Variants in ZNF536 observed in about 807,000 individuals in gnomAD.
ZNF536 encodes the protein zinc finger protein 536.
ZNF536 carries 13 observed loss-of-function variants against 84.5 expected under a neutral mutation model. The ratio of observed to expected loss-of-function variants is 0.15; its 90% CI spans 0.10 to 0.24. ZNF536 has a LOEUF of 0.24. ZNF536 is among the 10% of genes least tolerant of loss of function. The pLI, the probability that ZNF536 is intolerant of heterozygous loss-of-function variation, is 1.00. For missense variants in ZNF536, 1,536 were observed against 1,747.5 expected (o/e 0.88, Z 2.16); for synonymous variants, 811 against 742.5 (o/e 1.09, Z -1.50).
chr19:30,604,112 A>G (rs967191947), intron 1 of ZNF536, among the ~76,000 whole-genome samples: 8 of 152,208 alleles, frequency 5.3e-5, no homozygotes, highest in Non-Finnish European at 1.5e-5. Context: ...AAGTGTGCAC[A>G]GGGTAAACCA....
At chr19:30,568,202 C>T (rs1261166570) in intron 1 of ZNF536, among the ~76,000 whole-genome samples, 2 of 152,152 alleles carry the variant, frequency 1.3e-5, no homozygotes, top group Non-Finnish European at 2.9e-5. Context: ...GTTTTAGAAT[C>T]ATTAAATACA....
At chr19:30,662,962 C>CTTT (rs951081577) in intron 1 of ZNF536, among the ~76,000 whole-genome samples, 82 of 78,688 alleles carry the variant, frequency 1.0e-3, no homozygotes, top group African/African-American at 1.2e-3. Flanking sequence ...TTTTTCGTTT[C>CTTT]TTTTTTTTTT....
chr19:30,694,567 G>A (rs1169116822), intron 1 of ZNF536, among the ~76,000 whole-genome samples: 4 of 152,228 alleles, frequency 2.6e-5, no homozygotes, highest in Non-Finnish European at 5.9e-5. Context: ...CTCCCCAGCG[G>A]CTGCCTCCAG....
At chr19:30,647,010 C>T (rs2049499307) in intron 1 of ZNF536, among the ~76,000 whole-genome samples, 1 of 152,172 alleles carries the variant, frequency 6.6e-6, no homozygotes, top group African/African-American at 2.4e-5. Flanking sequence ...CACACTCACA[C>T]CCAAACTCCC....
chr19:30,497,255 A>G (rs2145224698), intron 2 of ZNF536, among the ~76,000 whole-genome samples: 1 of 152,294 alleles, frequency 6.6e-6, no homozygotes, highest in African/African-American at 2.4e-5. Context: ...CCACAATGGT[A>G]ATGATCACTC....
chr19:30,444,207 C>A lies in ZNF536; in HGVS notation c.645C>A (p.Gly215=), dbSNP rs1304795162. The part of the protein sequence containing the change: ...RAILRDKQLK[G]SLLQPRPDLK... ...TCCTGCGGGACAAGCAGCTGAAAGGCAGCCTGCTGCAGCCCCGGCCGGACC... is the reference window on the plus strand; with the variant it reads ...TCCTGCGGGACAAGCAGCTGAAAGGAAGCCTGCTGCAGCCCCGGCCGGACC... Residue 215 remains glycine (G), a synonymous_variant, in exon 2 of 5, where the codon GGC becomes GGA. Transcript: ENST00000355537. 2.6e-6 allele frequency: 4 copies of A among 1,548,698 alleles called. No individual in the cohort carries two copies. Among genetic ancestry groups the A allele is most frequent in the Non-Finnish European group, 3.5e-6 (4 of 1,151,880 alleles).
chr19:30,706,320 T>TA (rs922985936), intron 1 of ZNF536, among the ~76,000 whole-genome samples: 1 of 151,428 alleles, frequency 6.6e-6, no homozygotes, highest in East Asian at 1.9e-4. Context: ...CCGTCTCTAC[T>TA]AAAAAAAATA....
chr19:30,678,274 G>C (rs1338886413), intron 1 of ZNF536, among the ~76,000 whole-genome samples: 1 of 152,154 alleles, frequency 6.6e-6, no homozygotes, highest in Non-Finnish European at 1.5e-5. Context: ...TGCGGGACAG[G>C]TTAGGGGCAC....
At chr19:30,328,406 G>A (rs1406574240) in intron 2 of ZNF536, among the ~76,000 whole-genome samples, 1 of 152,186 alleles carries the variant, frequency 6.6e-6, no homozygotes, top group Non-Finnish European at 1.5e-5. Flanking sequence ...AGGCAGAAGA[G>A]GAACTCATGG....
chr19:30,590,871 T>A (rs1423741030), intron 1 of ZNF536, among the ~76,000 whole-genome samples: 3 of 152,258 alleles, frequency 2.0e-5, no homozygotes, highest in Non-Finnish European at 4.4e-5. Flanking sequence ...GGAAGGCCAG[T>A]CCTTGGGAAG....
intron 1 of ZNF536, among the ~76,000 whole-genome samples, chr19:30,394,283 T>A (rs1419047076): frequency 6.6e-6 from 1 of 152,200 alleles, no homozygotes; most frequent in Non-Finnish European, 1.5e-5. Context: ...TGTGCCCACC[T>A]ATTGCCTACT....
chr19:30,522,086 G>T (rs2044341690), intron 2 of ZNF536, among the ~76,000 whole-genome samples: 1 of 151,290 alleles, frequency 6.6e-6, no homozygotes, highest in South Asian at 2.1e-4. Context: ...GCTTCTGTTG[G>T]TCTGCAGGTA....
At chr19:30,396,972 CTCT>C (rs1166802710) in intron 1 of ZNF536, among the ~76,000 whole-genome samples, 1 of 152,192 alleles carries the variant, frequency 6.6e-6, no homozygotes, top group Non-Finnish European at 1.5e-5. Context: ...TCCTGCAAAC[CTCT>C]TCTTACACTC....
At chr19:30,688,202 A>G (rs2051273742) in intron 1 of ZNF536, among the ~76,000 whole-genome samples, 1 of 152,202 alleles carries the variant, frequency 6.6e-6, no homozygotes, top group African/African-American at 2.4e-5. Flanking sequence ...TGGAGAATCA[A>G]CATCCACATT....
chr19:30,419,396 T>C (rs1485801928), intron 1 of ZNF536, among the ~76,000 whole-genome samples: 1 of 152,200 alleles, frequency 6.6e-6, no homozygotes, highest in Non-Finnish European at 1.5e-5. Flanking sequence ...TTTATAAATG[T>C]TTTTGAGCCT....
intron 1 of ZNF536, among the ~76,000 whole-genome samples, chr19:30,695,848 T>A (rs1207711721): frequency 6.6e-6 from 1 of 152,136 alleles, no homozygotes; most frequent in Non-Finnish European, 1.5e-5. Context: ...GCTGTCACCA[T>A]CTCTGCTAAA....
chr19:30,336,732 C>T lies in ZNF536; in HGVS notation c.-119-15636C>T, dbSNP rs950211117. On this transcript the variant is annotated intron_variant, in intron 2 of 5. Transcript: ENST00000585628. ...GGAGAACATCTCGGAGAGGTCAGTA[C>T]AGGCCAGAATGCATAGGCCCAGGCT... 7.2e-5 allele frequency among the ~76,000 whole-genome samples: 11 copies of T among 152,116 alleles called. No homozygotes were observed. The East Asian group carries it at 2.1e-3, about 29-fold the overall frequency.
chr19:30,604,019 G>A (rs1268744270), intron 1 of ZNF536, among the ~76,000 whole-genome samples: 1 of 152,142 alleles, frequency 6.6e-6, no homozygotes, highest in Non-Finnish European at 1.5e-5. Context: ...GAACCTGGGA[G>A]GCCGAGGCTG....
At chr19:30,516,049 A>G (rs971162083) in intron 2 of ZNF536, among the ~76,000 whole-genome samples, 7 of 151,846 alleles carry the variant, frequency 4.6e-5, no homozygotes, top group Non-Finnish European at 7.4e-5. Context: ...AAAAGAAAAA[A>G]AAGCAATAAA....
Sources: allele counts gnomAD v4.1 joint callset (sites outside exome capture counted in the v4.1 genomes callset), GRCh38; gene constraint gnomAD v4.1.1; transcripts MANE v1.5; gene names NCBI Gene and HGNC (gene_info 2026-07-23, HGNC 2026-07-21).